KDM2B: variants seen among roughly 807,000 people sequenced by gnomAD.
The protein encoded by KDM2B is lysine demethylase 2B, also known as lysine-specific demethylase 2B.
A neutral mutation model predicts 150.0 loss-of-function variants in KDM2B; 26 were observed. The observed-to-expected ratio is 0.17, with a 90% CI of 0.13 to 0.24. The LOEUF (loss-of-function observed/expected upper bound fraction) is 0.24. KDM2B is among the 10% of genes least tolerant of loss of function. The pLI is 1.00. For missense variants in KDM2B, 1,265 were observed against 1,816.9 expected, an observed-to-expected ratio of 0.70 and a Z score of 5.52; for synonymous variants, 734 against 729.5, an observed-to-expected ratio of 1.01 and a Z score of -0.10.
Position 121,509,903 on chromosome 12 carries a change from T to A in KDM2B, c.1311A>T (p.Lys437Asn), listed in dbSNP as rs782478479. Residue 437 changes from lysine to asparagine, a missense_variant, in exon 11 of 23, where the codon AAA becomes AAT. Physicochemically the swap from Lys to Asn is moderately conservative, Grantham distance 94 (BLOSUM62 0). Transcript: ENST00000377071. ...GTGAAGTGGAGCCATCGGTGGGCGG[T>A]TTGGGTGCCCTGTCCCTGCCCTCGC... is the stretch of plus-strand genomic sequence containing the variant. ...EEGEGRDRAPKPPTDGSTSPT... is the reference protein window; with the variant it reads ...EEGEGRDRAPNPPTDGSTSPT... 6.8e-6 allele frequency: 11 copies of A among 1,612,646 alleles called. No individual in the cohort carries two copies. The South Asian group carries it at 1.2e-4, about 18-fold the overall frequency.
intron 9 of KDM2B, among the ~76,000 whole-genome samples, chr12:121,517,245 A>C (rs1886293142): frequency 6.6e-6 from 1 of 152,088 alleles, no homozygotes; most frequent in Non-Finnish European, 1.5e-5. Context: ...GGGGAAGGGG[A>C]GATTTCATCT....
At chr12:121,420,466 C>G in the KDM2B span, 1 of 1,560,224 alleles carries the variant, frequency 6.4e-7, no homozygotes, top group Non-Finnish European at 8.8e-7. Context: ...TACTGAAACA[C>G]TTCTAGGACT....
At chr12:121,534,185 T>C (rs1555308308) in intron 7 of KDM2B, among the ~76,000 whole-genome samples, 1 of 151,892 alleles carries the variant, frequency 6.6e-6, no homozygotes, top group Non-Finnish European at 1.5e-5. Flanking sequence ...CCGTCTCTAC[T>C]AAAAATACAA....
intron 12 of KDM2B, among the ~76,000 whole-genome samples, chr12:121,472,241 C>G (rs1320732971): frequency 1.3e-5 from 2 of 152,224 alleles, no homozygotes; most frequent in East Asian, 3.8e-4. Context: ...CCATTTGTCT[C>G]TGCTCTTCAG....
intron 4 of KDM2B, among the ~76,000 whole-genome samples, chr12:121,562,775 C>T (rs1555314049): frequency 6.6e-6 from 1 of 152,082 alleles, no homozygotes; most frequent in Admixed American, 6.6e-5. Context: ...GGCTCCACTG[C>T]CTACCAGCTG....
chr12:121,579,874 TTTA>T, intron 1 of KDM2B: 2 of 1,424,662 alleles, frequency 1.4e-6, no homozygotes, highest in Non-Finnish European at 1.9e-6. Context: ...TTGCATGCAA[TTTA>T]TTATATTTTT....
Position 121,442,306 on chromosome 12 carries a change from T to G in KDM2B, c.3135A>C (p.Pro1045=), listed in dbSNP as rs1875259309. The G allele has an allele frequency of 2.6e-6, 4 of 1,526,208 alleles. No homozygotes were observed. Among genetic ancestry groups the G allele is most frequent in the African/African-American group, 1.5e-5 (1 of 68,410 alleles). The allele number at this position is 1,526,208 out of a possible 1,614,324, so 94.5% of individuals were successfully genotyped here. A position where few individuals can be genotyped will look rare whatever the true frequency, so the allele number is the denominator to read the frequency against. Residue 1045 remains proline, a synonymous_variant, in exon 19 of 23, where the codon CCA becomes CCC. Coordinates refer to ENST00000377071, the MANE Select transcript of KDM2B (RefSeq NM_032590.5). The surrounding 1 kb of genome is among the most constrained non-coding windows in gnomAD (Gnocchi z 7.7). ...AGTCAGGCGGGGGGCTGATGGGGGG[T>G]GGCCGGATCACATGGCGCTCCATCT... ...CIQMERHVIR[P]PPISPPPDSL...
chr12:121,450,975 G>A (rs1381013377), intron 13 of KDM2B, among the ~76,000 whole-genome samples: 2 of 152,134 alleles, frequency 1.3e-5, no homozygotes, highest in Non-Finnish European at 2.9e-5. Flanking sequence ...AAATAGAATC[G>A]TCATATGACC....
intron 4 of KDM2B, among the ~76,000 whole-genome samples, chr12:121,562,143 A>G (rs1263934998): frequency 6.6e-6 from 1 of 150,446 alleles, no homozygotes; most frequent in Admixed American, 6.7e-5. Context: ...GCACTCCAAC[A>G]TGGGTGACTT....
At chr12:121,550,851 A>G (rs1397429655) in intron 4 of KDM2B, among the ~76,000 whole-genome samples, 1 of 152,028 alleles carries the variant, frequency 6.6e-6, no homozygotes, top group Non-Finnish European at 1.5e-5. Flanking sequence ...ATTTTTGTTA[A>G]CGGAGGGGGA....
In KDM2B at chr12:121,438,360, A is replaced by G. The variant is rs1874362962; in HGVS notation, c.3829+1497T>C. 2.6e-5 allele frequency among the ~76,000 whole-genome samples: 4 copies of G among 152,284 alleles called. No homozygotes were observed. The South Asian group carries it at 8.3e-4, about 32-fold the overall frequency. ...AATGCAAAAGATGATTTGCATGCAC[A>G]CACACAGCATGGCCCACACCGCAGG... On this transcript the variant is annotated intron_variant, in intron 22 of 22. Coordinates refer to ENST00000377071, the MANE Select transcript of KDM2B (RefSeq NM_032590.5).
upstream of KDM2B, among the ~76,000 whole-genome samples, chr12:121,581,426 G>A (rs1891957831): frequency 1.3e-5 from 2 of 152,208 alleles, no homozygotes; most frequent in Non-Finnish European, 2.9e-5. Flanking sequence ...TTAGGTCCCT[G>A]TCCACTTACT....
Position 121,442,448 on chromosome 12 carries a change from C to T in KDM2B, c.2993G>A (p.Ser998Asn), listed in dbSNP as rs1025281877. The stretch of plus-strand genomic sequence containing the variant: ...CCGGGGGGTGCCGTTGAGCCCCTTG[C>T]TGAAGCGGTGGGGACGCTCGCAGAT... ...PGICERPHRF[S>N]KGLNGTPREL... is the part of the protein sequence containing the mutation. The change falls in exon 19 of 23, where the codon AGC (serine) becomes AAC (asparagine). Residue 998 changes from serine (S) to asparagine (N), a missense_variant. Physicochemically the swap from Ser to Asn is conservative, Grantham distance 46. Around this residue, in one of 11 missense-constraint regions of KDM2B, gnomAD observed 418 missense variants for 402.4 expected, o/e 1.04. Transcript: ENST00000377071. The surrounding 1 kb of genome is among the most constrained non-coding windows in gnomAD (Gnocchi z 7.7). The T allele has an allele frequency of 6.3e-7, 1 of 1,599,978 alleles. No individual in the cohort carries two copies. The highest frequency in any genetic ancestry group is 1.1e-5 in the South Asian group (1 of 91,006).
chr12:121,437,992 G>A (rs782815358), intron 22 of KDM2B, among the ~76,000 whole-genome samples: 9 of 151,900 alleles, frequency 5.9e-5, no homozygotes, highest in Non-Finnish European at 7.4e-5. Context: ...GGTGGCACAC[G>A]CCTGTAATCC....
intron 6 of KDM2B, among the ~76,000 whole-genome samples, chr12:121,535,234 C>A (rs1025271049): frequency 1.2e-4 from 18 of 150,486 alleles, no homozygotes; most frequent in South Asian, 4.2e-4. Flanking sequence ...CCCACACACA[C>A]AAAAAACAAA....
chr12:121,501,957 T>G (rs11065602), intron 11 of KDM2B, among the ~76,000 whole-genome samples: 6,116 of 152,142 alleles, frequency 0.04, 302 homozygotes, highest in East Asian at 0.23. Flanking sequence ...ACTGCGCTGG[T>G]GATCTGGGCT....
chr12:121,447,591 T>C (rs781884280), intron 13 of KDM2B, among the ~76,000 whole-genome samples: 14 of 152,190 alleles, frequency 9.2e-5, no homozygotes, highest in East Asian at 1.9e-4. Context: ...TTTACAAAAA[T>C]ATAAAACAAC....
the KDM2B span, chr12:121,420,397 C>T: frequency 6.4e-7 from 1 of 1,553,548 alleles, no homozygotes; most frequent in African/African-American, 1.4e-5. Flanking sequence ...GGACAGTGCC[C>T]TGTGGACATT....
chr12:121,494,380 C>T (rs1883682933), intron 12 of KDM2B, 199 bp downstream of exon 12: 4 of 529,736 alleles, frequency 7.6e-6, no homozygotes, highest in Middle Eastern at 5.2e-4. Context: ...CGGCACTGTT[C>T]GCAGTTCCCA....
Sources: gnomAD v4.1 joint callset for allele counts (sites outside exome capture counted in the v4.1 genomes callset) on GRCh38, gnomAD v4.1.1 for gene constraint, gnomAD v4.1.1 regional missense constraint, Gnocchi (gnomAD v3.1) non-coding constraint, MANE v1.5 for transcripts, NCBI Gene and HGNC (gene_info 2026-07-23, HGNC 2026-07-21) for gene names.